Variants in ELAVL2 observed in about 807,000 individuals in gnomAD.
ELAVL2 encodes the protein ELAV like RNA binding protein 2.
Under a neutral mutation model 34.6 loss-of-function variants are expected in ELAVL2, and 4 were observed. The ratio of observed to expected loss-of-function variants is 0.12; its 90% CI spans 0.06 to 0.26. The LOEUF (loss-of-function observed/expected upper bound fraction) is 0.26. Ranked by LOEUF, ELAVL2 falls within the 10% of genes least tolerant of loss-of-function variation. The probability of loss-of-function intolerance (pLI) is 1.00; values close to 1 mark genes in which losing one functional copy is unlikely to be tolerated. For missense variants in ELAVL2, 432 were observed against 442.8 expected (o/e 0.98, Z 0.22); for synonymous variants, 193 against 154.8 (o/e 1.25, Z -1.83).
intron 1 of ELAVL2, among the ~76,000 whole-genome samples, chr9:23,780,876 TA>T (rs1231338596): frequency 6.6e-6 from 1 of 152,174 alleles, no homozygotes; most frequent in Non-Finnish European, 1.5e-5. Flanking sequence ...AGCTTTCACA[TA>T]AAACAGTCAG....
In ELAVL2 at chr9:23,714,798, T is replaced by C. The variant is rs570066069; in HGVS notation, c.334-9727A>G. On this transcript the variant is annotated intron_variant, in intron 3 of 6. Coordinates refer to ENST00000397312, the MANE Select transcript of ELAVL2 (RefSeq NM_004432.5). ...CGGCCACCTGATGATTCAATATGAT[T>C]TCCCAGTTAAAAAAAAAATACTGAA... 2.6e-5 allele frequency among the ~76,000 whole-genome samples: 4 copies of C among 152,160 alleles called. No homozygotes were observed. The South Asian group carries it at 8.3e-4, about 32-fold the overall frequency.
chr9:23,815,814 G>A (rs1017264181), intron 1 of ELAVL2, among the ~76,000 whole-genome samples: 48 of 152,240 alleles, frequency 3.2e-4, no homozygotes, highest in Admixed American at 2.8e-3. Flanking sequence ...CAAATTGGCC[G>A]CACGGGCACG....
intron 3 of ELAVL2, 146 bp from the exon 4 acceptor site, chr9:23,705,217 T>C (rs2038916366): frequency 1.1e-6 from 1 of 878,302 alleles, no homozygotes; most frequent in African/African-American, 1.7e-5. Context: ...GCTTTATTCA[T>C]TTCCAGGAAA....
rs191386490 is a variant in ELAVL2 at position 23,691,549 on chromosome 9, T to C, written c.*1008A>G. 6.5e-6 allele frequency: 1 copy of C among 152,708 alleles called. No individual in the cohort carries two copies. The allele number at this position is 152,708 out of a possible 1,614,324, so 9.5% of individuals were successfully genotyped here. ...CCCATCTCTCGGTAATTTAAATTTC[T>C]TGCCTGCTCTTATATATTCTTTTGT... is the stretch of plus-strand genomic sequence containing the variant. On this transcript the variant is annotated 3_prime_UTR_variant, in exon 7 of 7. Coordinates refer to ENST00000397312, the MANE Select transcript of ELAVL2 (RefSeq NM_004432.5).
the ELAVL2 span, among the ~76,000 whole-genome samples, chr9:23,848,077 A>C: frequency 6.6e-6 from 1 of 152,058 alleles, no homozygotes; most frequent in African/African-American, 2.4e-5. Flanking sequence ...TCTATACCTC[A>C]GTAGTAGATA....
intron 1 of ELAVL2, among the ~76,000 whole-genome samples, chr9:23,762,811 G>A (rs1045870352): frequency 3.9e-5 from 6 of 151,982 alleles, no homozygotes; most frequent in Non-Finnish European, 7.4e-5. Context: ...TATTGAAAAC[G>A]TTTTTGATGG....
At chr9:23,748,968 G>A (rs1427458795) in intron 2 of ELAVL2, among the ~76,000 whole-genome samples, 1 of 152,052 alleles carries the variant, frequency 6.6e-6, no homozygotes, top group Non-Finnish European at 1.5e-5. Flanking sequence ...GTTACCAAAG[G>A]CTGGGAGCAA....
At chr9:23,734,251 T>C (rs1015650590) in intron 2 of ELAVL2, among the ~76,000 whole-genome samples, 2 of 152,194 alleles carry the variant, frequency 1.3e-5, no homozygotes, top group East Asian at 1.9e-4. Flanking sequence ...GTTTAAAATA[T>C]ATTAAGGGTA....
intron 2 of ELAVL2, among the ~76,000 whole-genome samples, chr9:23,758,957 A>G (rs986095193): frequency 3.3e-5 from 5 of 152,048 alleles, no homozygotes. Flanking sequence ...TATACACACT[A>G]TCGTGGGAAG....
In ELAVL2 at chr9:23,785,765, G is replaced by A. The variant is rs561119735; in HGVS notation, c.-15-23516C>T. 2.0e-5 allele frequency among the ~76,000 whole-genome samples: 3 copies of A among 152,318 alleles called. No homozygotes were observed. The South Asian group carries it at 6.2e-4, about 32-fold the overall frequency. On this transcript the variant is annotated intron_variant, in intron 1 of 6. Transcript: ENST00000397312. Reference sequence around the variant, plus strand: ...CAAAGCATATGACCAGCTCCAGTCTGAGCAGAATAACAGATCAAAACTGGA... The same window carrying A: ...CAAAGCATATGACCAGCTCCAGTCTAAGCAGAATAACAGATCAAAACTGGA...
chr9:23,847,425 G>A, the ELAVL2 span: 1 of 151,882 alleles, frequency 6.6e-6, no homozygotes, highest in East Asian at 1.9e-4. Context: ...CACTGTCATT[G>A]GAATCAATGA....
At chr9:23,778,357 G>A (rs950909079) in intron 1 of ELAVL2, among the ~76,000 whole-genome samples, 8 of 152,120 alleles carry the variant, frequency 5.3e-5, no homozygotes, top group Non-Finnish European at 1.2e-4. Context: ...TTTCTCCAAC[G>A]TCCTTAAAAA....
At chr9:23,799,740 C>A (rs551948960) in intron 1 of ELAVL2, among the ~76,000 whole-genome samples, 2 of 152,316 alleles carry the variant, frequency 1.3e-5, no homozygotes, top group African/African-American at 4.8e-5. Context: ...CTAGACTAAG[C>A]TTCTTTACAG....
In ELAVL2 at chr9:23,733,055, G is replaced by T. The variant is rs116465647; in HGVS notation, c.230-1930C>A. Among the ~76,000 whole-genome samples the T allele has an allele frequency of 3.9e-3, 581 of 150,774 alleles. 2 individuals are homozygous for T. Among genetic ancestry groups the T allele is most frequent in the African/African-American group, 0.013 (546 of 41,060 alleles). ...TATTCTATGACAAAATAAATCAATTGTATCAGCATAGTCTAATTGCCCTTT... is the reference window on the plus strand; with the variant it reads ...TATTCTATGACAAAATAAATCAATTTTATCAGCATAGTCTAATTGCCCTTT... On this transcript the variant is annotated intron_variant, in intron 2 of 6. Transcript: ENST00000397312.
chr9:23,817,713 T>C (rs1158521170), intron 1 of ELAVL2, among the ~76,000 whole-genome samples: 2 of 152,148 alleles, frequency 1.3e-5, no homozygotes, highest in Non-Finnish European at 2.9e-5. Context: ...CTAGCCTTAC[T>C]AAAATGAAAC....
intron 1 of ELAVL2, among the ~76,000 whole-genome samples, chr9:23,817,960 G>A (rs889790930): frequency 2.0e-5 from 3 of 152,118 alleles, no homozygotes; most frequent in Admixed American, 6.5e-5. Context: ...GCAAATTTAC[G>A]TTATGTGAAA....
At chr9:23,740,152 G>A (rs1255929067) in intron 2 of ELAVL2, among the ~76,000 whole-genome samples, 5 of 152,110 alleles carry the variant, frequency 3.3e-5, no homozygotes, top group African/African-American at 1.2e-4. Context: ...AAGTCAGTAA[G>A]TTTGTCGGGG....
chr9:23,784,166 C>A (rs1042397297), intron 1 of ELAVL2, among the ~76,000 whole-genome samples: 5 of 152,022 alleles, frequency 3.3e-5, no homozygotes, highest in African/African-American at 1.2e-4. Flanking sequence ...CCACGACACT[C>A]CAGCCTGGGG....
chr9:23,694,854 T>C (rs2034546580), intron 5 of ELAVL2, among the ~76,000 whole-genome samples: 1 of 151,924 alleles, frequency 6.6e-6, no homozygotes, highest in African/African-American at 2.4e-5. Context: ...TGTGTGAGTG[T>C]GTCTCTGTGT....
Sources: allele counts gnomAD v4.1 joint callset (sites outside exome capture counted in the v4.1 genomes callset), GRCh38; gene constraint gnomAD v4.1.1; transcripts MANE v1.5; gene names NCBI Gene and HGNC (gene_info 2026-07-23, HGNC 2026-07-21).